TENM2: variants seen among roughly 807,000 people sequenced by gnomAD.
The protein encoded by TENM2 is teneurin transmembrane protein 2, also known as teneurin-2.
TENM2 carries 52 observed loss-of-function variants against 245.2 expected under a neutral mutation model. The ratio of observed to expected loss-of-function variants is 0.21; its 90% CI spans 0.17 to 0.27. The LOEUF (loss-of-function observed/expected upper bound fraction) is 0.27, where lower values mean the gene tolerates loss of function less well. Among genes scored for constraint, TENM2 ranks in the 10% least tolerant of loss-of-function variants. The pLI is 1.00. For synonymous variants in TENM2, 1,363 were observed against 1,438.9 expected, an observed-to-expected ratio of 0.95 and a Z score of 1.19; for missense variants, 3,046 against 3,666.8, an observed-to-expected ratio of 0.83 and a Z score of 4.37.
In TENM2 at chr5:167,563,423, A is replaced by T. The variant is rs563242198; in HGVS notation, c.502+187950A>T. ...AAATACTTCCCAAAGAACCTTCTTG[A>T]CCTTCTCTTCTCCTTGACCACAAGG... On this transcript the variant is annotated intron_variant, in intron 2 of 28. Transcript: ENST00000518659. Among the ~76,000 whole-genome samples, 31 of 152,210 alleles carry T rather than the reference A, an allele frequency of 2.0e-4. No individual in the cohort carries two copies. In the South Asian group the frequency reaches 5.0e-3, roughly 24 times the overall value.
intron 2 of TENM2, among the ~76,000 whole-genome samples, chr5:167,721,159 T>A (rs77234331): frequency 0.037 from 5,593 of 152,272 alleles, 308 homozygotes; most frequent in African/African-American, 0.12. Context: ...TAGTTTGATG[T>A]TATACCTAAT....
the TENM2 span, among the ~76,000 whole-genome samples, chr5:167,215,889 T>A: frequency 2.0e-5 from 3 of 152,248 alleles, no homozygotes; most frequent in South Asian, 2.1e-4. Flanking sequence ...GATCTTTTTT[T>A]TAAACAGCAT....
intron 2 of TENM2, among the ~76,000 whole-genome samples, chr5:167,403,540 A>G (rs1049535710): frequency 6.6e-6 from 1 of 152,100 alleles, no homozygotes; most frequent in African/African-American, 2.4e-5. Flanking sequence ...ACCTGAACGT[A>G]TGGGTCATGG....
intron 6 of TENM2, among the ~76,000 whole-genome samples, chr5:168,051,837 G>A (rs145378283): frequency 6.6e-6 from 1 of 152,282 alleles, no homozygotes; most frequent in East Asian, 1.9e-4. Context: ...ATTGCATGTG[G>A]CATCAGGCAT....
intron 3 of TENM2, among the ~76,000 whole-genome samples, chr5:167,928,353 T>C (rs1435107978): frequency 6.6e-6 from 1 of 152,132 alleles, no homozygotes; most frequent in African/African-American, 2.4e-5. Context: ...TTTGATAACA[T>C]GAAGCTTTAG....
intron 3 of TENM2, among the ~76,000 whole-genome samples, chr5:167,879,324 A>G (rs534051901): frequency 7.2e-5 from 11 of 152,268 alleles, no homozygotes; most frequent in African/African-American, 2.6e-4. Flanking sequence ...AGTTAGTGAG[A>G]TGTTTACGGG....
intron 2 of TENM2, among the ~76,000 whole-genome samples, chr5:167,795,213 CA>C (rs1765234907): frequency 6.6e-6 from 1 of 151,986 alleles, no homozygotes. Flanking sequence ...TGTTTTTAAG[CA>C]AAGTAGTAAT....
intron 5 of TENM2, among the ~76,000 whole-genome samples, chr5:168,002,316 A>C (rs1784472326): frequency 6.6e-6 from 1 of 152,234 alleles, no homozygotes; most frequent in African/African-American, 2.4e-5. Flanking sequence ...TTTATAAAAG[A>C]AGGGCATATT....
At chr5:168,204,738 C>T in intron 19 of TENM2, 117 bp downstream of exon 21, 4 of 1,321,148 alleles carry the variant, frequency 3.0e-6, no homozygotes, top group Non-Finnish European at 4.1e-6. Context: ...TCCTTGTGAT[C>T]CAAAACCTAG....
At chr5:167,317,740 G>A (rs537034217) in intron 1 of TENM2, among the ~76,000 whole-genome samples, 16 of 152,152 alleles carry the variant, frequency 1.1e-4, no homozygotes, top group African/African-American at 1.9e-4. Context: ...TTTCTGTGTC[G>A]GTTTCCTGTT....
the TENM2 span, among the ~76,000 whole-genome samples, chr5:167,029,212 A>C: frequency 0.031 from 4,774 of 152,274 alleles, 113 homozygotes; most frequent in Non-Finnish European, 0.048. Flanking sequence ...CTCCCGTTGC[A>C]TTATAATTTT....
intron 2 of TENM2, among the ~76,000 whole-genome samples, chr5:167,471,627 T>C (rs1767035100): frequency 6.6e-6 from 1 of 152,192 alleles, no homozygotes; most frequent in Non-Finnish European, 1.5e-5. Flanking sequence ...CTTAGAAGTG[T>C]CAAATAATTA....
chr5:167,108,471 A>G, the TENM2 span, among the ~76,000 whole-genome samples: 1 of 152,190 alleles, frequency 6.6e-6, no homozygotes, highest in African/African-American at 2.4e-5. Flanking sequence ...CTTCCCCACA[A>G]AAGCCAGCAC....
Position 168,162,548 on chromosome 5 carries a change from TC to T in TENM2, c.2423-59del, listed in dbSNP as rs1217406381. 2.5e-6 allele frequency: 4 copies of T among 1,571,096 alleles called. No individual in the cohort carries two copies. The African/African-American group carries it at 5.4e-5, about 21-fold the overall frequency. Reference sequence around the variant, plus strand: ...GCGGCCTTGCTCCCCTCTGCATGGCTCCCCTGCTTCCCCAGCGCGGCCTCAC... The same window carrying T: ...GCGGCCTTGCTCCCCTCTGCATGGCTCCCTGCTTCCCCAGCGCGGCCTCAC... On this transcript the variant is annotated intron_variant, in intron 12 of 28. Transcript: ENST00000518659.
chr5:167,629,720 A>G (rs928347847), intron 2 of TENM2, among the ~76,000 whole-genome samples: 2 of 152,212 alleles, frequency 1.3e-5, no homozygotes, highest in African/African-American at 2.4e-5. Context: ...TCAGTGTTAT[A>G]GAGAGAGTCA....
At chr5:167,052,545 T>C in the TENM2 span, among the ~76,000 whole-genome samples, 1 of 152,156 alleles carries the variant, frequency 6.6e-6, no homozygotes, top group Non-Finnish European at 1.5e-5. Context: ...AATATGCTGC[T>C]TTTAAGAGAC....
At chr5:167,071,878 G>GCCCCCCCCCCCCCCCCCCCCCCC in the TENM2 span, among the ~76,000 whole-genome samples, 12 of 124,022 alleles carry the variant, frequency 9.7e-5, no homozygotes, top group Admixed American at 2.8e-4. Context: ...TTGACAAATC[G>GCCCCCCCCCCCCCCCCCCCCCCC]CCCCCCCCCG....
intron 3 of TENM2, among the ~76,000 whole-genome samples, chr5:167,884,221 A>G (rs1339821495): frequency 6.6e-6 from 1 of 152,206 alleles, no homozygotes; most frequent in Admixed American, 6.5e-5. Flanking sequence ...TTGTTTCCTA[A>G]TTTAACAAAC....
Position 168,221,294 on chromosome 5 carries a change from C to T in TENM2, c.5108+2295C>T, listed in dbSNP as rs1214656894. 3.9e-5 allele frequency among the ~76,000 whole-genome samples: 6 copies of T among 152,036 alleles called. No individual in the cohort carries two copies. The South Asian group carries it at 1.0e-3, about 26-fold the overall frequency. ...TGAGGTACAGAAGCCATTTATCTGCCGTGTTGTCACAGTGACTGTCTAAAT... is the reference window on the plus strand; with the variant it reads ...TGAGGTACAGAAGCCATTTATCTGCTGTGTTGTCACAGTGACTGTCTAAAT... On this transcript the variant is annotated intron_variant, in intron 23 of 28. Coordinates refer to ENST00000518659, the Ensembl canonical transcript of TENM2.
Sources: gnomAD v4.1 joint callset for allele counts (sites outside exome capture counted in the v4.1 genomes callset) on GRCh38, gnomAD v4.1.1 for gene constraint, MANE v1.5 for transcripts, NCBI Gene and HGNC (gene_info 2026-07-23, HGNC 2026-07-21) for gene names.